SMARCA2: variants seen among roughly 807,000 people sequenced by gnomAD.
SMARCA2 encodes SWI/SNF related BAF chromatin remodeling complex subunit ATPase 2, also known as SWI/SNF-related matrix-associated actin-dependent regulator of chromatin subfamily A member 2.
A neutral mutation model predicts 199.8 loss-of-function variants in SMARCA2; 61 were observed. That is an observed-to-expected ratio of 0.31 (90% CI 0.25 to 0.38). The LOEUF (loss-of-function observed/expected upper bound fraction) is 0.38. SMARCA2 is among the 10% of genes least tolerant of loss of function. SMARCA2 has a pLI of 1.00. For synonymous variants in SMARCA2, 935 were observed against 732.0 expected (o/e 1.28, Z -4.48); for missense variants, 1,344 against 2,012.2 (o/e 0.67, Z 6.35).
chr9:2,091,079 G>C (rs1822034876), intron 19 of SMARCA2, among the ~76,000 whole-genome samples: 1 of 152,164 alleles, frequency 6.6e-6, no homozygotes, highest in African/African-American at 2.4e-5. Context: ...ATATAGGAAA[G>C]AGGCTTTTAC....
Position 2,181,556 on chromosome 9 carries a change from T to A in SMARCA2, c.4254-15T>A. The A allele has an allele frequency of 7.4e-7, 1 of 1,355,476 alleles. No homozygotes were observed. The highest frequency in any genetic ancestry group is 1.1e-6 in the Non-Finnish European group (1 of 945,136). The allele number at this position is 1,355,476 out of a possible 1,614,324, so 84.0% of individuals were successfully genotyped here. A position where few individuals can be genotyped will look rare whatever the true frequency, so the allele number is the denominator to read the frequency against. ...TTGATGTGGCTTGTTTTTGTTTGTT[T>A]CACCCATCCTACAGTTCAGGGCGAC... On this transcript the variant is annotated splice_polypyrimidine_tract_variant and intron_variant, in intron 29 of 33. Transcript: ENST00000349721.
intron 27 of SMARCA2, among the ~76,000 whole-genome samples, chr9:2,154,439 C>T (rs910241960): frequency 2.6e-5 from 4 of 152,178 alleles, no homozygotes; most frequent in African/African-American, 7.2e-5. Context: ...GTGTTTTCCT[C>T]TCTCATGATT....
At chr9:2,047,510 C>G (rs1225303461) in intron 5 of SMARCA2, 26 bp downstream of exon 5, 1 of 1,369,842 alleles carries the variant, frequency 7.3e-7, no homozygotes, top group Non-Finnish European at 9.5e-7. Flanking sequence ...AGCAAGGGGC[C>G]CCCTGCGGTG....
intron 27 of SMARCA2, among the ~76,000 whole-genome samples, chr9:2,156,623 G>A (rs1391114691): frequency 2.0e-5 from 3 of 151,900 alleles, no homozygotes; most frequent in African/African-American, 4.8e-5. Context: ...TAGAGATGGG[G>A]CTTCTCCATG....
rs1376888327 is a variant in SMARCA2 at position 2,170,388 on chromosome 9, T to C, written c.4200-31T>C. 1.9e-6 allele frequency: 3 copies of C among 1,613,908 alleles called. No homozygotes were observed. Among genetic ancestry groups the C allele is most frequent in the Non-Finnish European group, 2.5e-6 (3 of 1,179,846 alleles). On this transcript the variant is annotated intron_variant, in intron 28 of 33. Coordinates refer to ENST00000349721, the MANE Select transcript of SMARCA2 (RefSeq NM_003070.5). The surrounding 1 kb of genome is among the most constrained non-coding windows in gnomAD (Gnocchi z 4.7). ...GGCGGGGACGAGAACCCAGGTCTTC[T>C]GACTCTAGTGTTCTTTCTACTCTAC...
chr9:2,036,216 G>A (rs1380571979), intron 3 of SMARCA2, among the ~76,000 whole-genome samples: 5 of 151,900 alleles, frequency 3.3e-5, no homozygotes, highest in Admixed American at 6.6e-5. Flanking sequence ...GTATGTGTGC[G>A]TGTAGAGAAA....
intron 6 of SMARCA2, among the ~76,000 whole-genome samples, chr9:2,055,893 C>T (rs561555201): frequency 8.5e-5 from 13 of 152,192 alleles, no homozygotes; most frequent in Admixed American, 2.0e-4. Context: ...GTTGCCATGA[C>T]GGACTCTTAT....
chr9:2,182,478 C>CTTTTTTTTTTTTT (rs145095906), intron 31 of SMARCA2, among the ~76,000 whole-genome samples: 3 of 96,732 alleles, frequency 3.1e-5, no homozygotes, highest in Non-Finnish European at 4.0e-5. Flanking sequence ...AGCTTATAGT[C>CTTTTTTTTTTTTT]TTTTTTTTTT....
chr9:2,149,344 C>A (rs1234614217), intron 27 of SMARCA2, among the ~76,000 whole-genome samples: 1 of 150,774 alleles, frequency 6.6e-6, no homozygotes, highest in Admixed American at 6.6e-5. Context: ...ATGGTGAAAC[C>A]CCATCTCTAC....
In SMARCA2 at chr9:2,084,212, A is replaced by T. The variant is rs1821695874; in HGVS notation, c.2526+16A>T. ...TCTTGCAAAGGTATGTTTTTAAAAAATTATTTTCTCTCTAATTAGGACCAT... is the reference window on the plus strand; with the variant it reads ...TCTTGCAAAGGTATGTTTTTAAAAATTTATTTTCTCTCTAATTAGGACCAT... On this transcript the variant is annotated intron_variant, in intron 17 of 33. Transcript: ENST00000349721. 3 of 1,390,428 alleles carry T rather than the reference A, an allele frequency of 2.2e-6. No individual in the cohort carries two copies. Among genetic ancestry groups the T allele is most frequent in the African/African-American group, 2.8e-5 (2 of 70,554 alleles). 86.1% of individuals were successfully genotyped at this position (1,390,428 alleles called of 1,614,324 possible).
intron 27 of SMARCA2, among the ~76,000 whole-genome samples, chr9:2,126,484 G>C (rs1177810778): frequency 6.6e-6 from 1 of 152,218 alleles, no homozygotes; most frequent in African/African-American, 2.4e-5. Context: ...ATATCAGCCT[G>C]TTAAGCTTTT....
chr9:2,092,200 A>C (rs908435097), intron 19 of SMARCA2, among the ~76,000 whole-genome samples: 1 of 152,282 alleles, frequency 6.6e-6, no homozygotes, highest in East Asian at 1.9e-4. Context: ...TATACTTGCA[A>C]TTGGCTGGGT....
Position 2,029,132 on chromosome 9 carries a change from C to T in SMARCA2, c.110C>T (p.Pro37Leu). 6.2e-7 allele frequency: 1 copy of T among 1,611,092 alleles called. No individual in the cohort carries two copies. The change falls in exon 2 of 34, where the codon CCA (proline) becomes CTA (leucine). Residue 37 changes from proline to leucine, a missense_variant. By Grantham distance (98) the Pro-to-Leu change is moderately conservative (BLOSUM62 -3). Coordinates refer to ENST00000349721, the MANE Select transcript of SMARCA2 (RefSeq NM_003070.5). ...LGPSPGPGPS[P>L]GSVHSMMGPS... is the part of the protein sequence containing the mutation. ...CCTAGTCCAGGACCAGGACCATCCC[C>T]AGGTTCCGTCCACAGCATGATGGGG...
intron 30 of SMARCA2, among the ~76,000 whole-genome samples, 183 bp downstream of exon 30, chr9:2,181,859 T>C (rs1184490682): frequency 2.0e-5 from 3 of 152,176 alleles, no homozygotes; most frequent in African/African-American, 4.8e-5. Context: ...GCTCACGTTA[T>C]ATTGCATTTT....
intron 10 of SMARCA2, 88 bp downstream of exon 10, chr9:2,070,559 A>G: frequency 1.1e-6 from 1 of 899,048 alleles, no homozygotes; most frequent in East Asian, 2.5e-5. Context: ...ATACTATTTT[A>G]TTCTTACTGT....
rs763381660 is a variant in SMARCA2, at chr9:2,161,877, C to T, written c.4173C>T (p.Ile1391=). ...PKLTKQMNAI[I]DTVINYKDRC... is the part of the protein sequence containing the mutation. ...TGACAAAGCAGATGAACGCTATCATCGATACTGTGATAAACTACAAAGATA... is the reference window on the plus strand; with the variant it reads ...TGACAAAGCAGATGAACGCTATCATTGATACTGTGATAAACTACAAAGATA... Residue 1391 remains isoleucine, a synonymous_variant, in exon 28 of 34, where the codon ATC becomes ATT. Coordinates refer to ENST00000349721, the MANE Select transcript of SMARCA2 (RefSeq NM_003070.5). This position sits in a 1 kb window ranked among gnomAD's most constrained non-coding sequence, Gnocchi z 4.7. The T allele has an allele frequency of 1.3e-5, 21 of 1,613,844 alleles. No individual in the cohort carries two copies. In the Admixed American group the frequency reaches 1.8e-4, roughly 14 times the overall value.
chr9:2,081,439 C>T (rs1821563617), intron 14 of SMARCA2, among the ~76,000 whole-genome samples: 3 of 152,226 alleles, frequency 2.0e-5, no homozygotes, highest in African/African-American at 7.2e-5. Context: ...ACCGAAAAGG[C>T]TGTTTTTAAT....
chr9:2,169,813 C>T lies in SMARCA2; in HGVS notation c.4200-606C>T, dbSNP rs1012489065. On this transcript the variant is annotated intron_variant, in intron 28 of 33. Coordinates refer to ENST00000349721, the MANE Select transcript of SMARCA2 (RefSeq NM_003070.5). The surrounding 1 kb of genome is among the most constrained non-coding windows in gnomAD (Gnocchi z 6.5). ...CTTTTCTAGAGGCTTGTAGAAGTGC[C>T]CAAGACGCCAGGTGGTGGTTTATTT... is the stretch of plus-strand genomic sequence containing the variant. Among the ~76,000 whole-genome samples, 11 of 152,204 alleles carry T rather than the reference C, an allele frequency of 7.2e-5. No homozygotes were observed. The highest frequency in any genetic ancestry group is 4.2e-4 in the South Asian group (2 of 4,804).
At chr9:2,038,075 T>C (rs1819408265) in intron 3 of SMARCA2, among the ~76,000 whole-genome samples, 2 of 152,244 alleles carry the variant, frequency 1.3e-5, no homozygotes, top group South Asian at 4.1e-4. Flanking sequence ...TTTTATGTTA[T>C]ATCACAAGTG....
Sources: gnomAD v4.1 joint callset for allele counts (sites outside exome capture counted in the v4.1 genomes callset) on GRCh38, gnomAD v4.1.1 for gene constraint, Gnocchi (gnomAD v3.1) non-coding constraint, MANE v1.5 for transcripts, NCBI Gene and HGNC (gene_info 2026-07-23, HGNC 2026-07-21) for gene names.